VWA3B: variants seen among roughly 807,000 people sequenced by gnomAD.
VWA3B encodes the protein von Willebrand factor A domain-containing protein 3B.
VWA3B carries 138 observed loss-of-function variants against 158.3 expected under a neutral mutation model. The ratio of observed to expected loss-of-function variants is 0.87; its 90% CI spans 0.76 to 1.00. VWA3B has a LOEUF of 1.00. VWA3B is among the 50% of genes least tolerant of loss of function. VWA3B has a pLI of 0.00. For missense variants in VWA3B, 1,555 were observed against 1,565.1 expected (o/e 0.99, Z 0.11); for synonymous variants, 596 against 587.3 (o/e 1.01, Z -0.21).
intron 22 of VWA3B, among the ~76,000 whole-genome samples, chr2:98,289,231 A>G (rs189263134): frequency 6.6e-6 from 1 of 152,286 alleles, no homozygotes; most frequent in East Asian, 1.9e-4. Flanking sequence ...TTGTATATCT[A>G]TATATGCATA....
chr2:98,145,945 G>C (rs1677144869), intron 7 of VWA3B, among the ~76,000 whole-genome samples: 2 of 152,124 alleles, frequency 1.3e-5, no homozygotes, highest in South Asian at 4.2e-4. Context: ...ATGTTTTCCA[G>C]GCTGGTCTCA....
chr2:98,107,062 T>A (rs138462525), intron 2 of VWA3B, among the ~76,000 whole-genome samples: 1 of 152,196 alleles, frequency 6.6e-6, no homozygotes, highest in Non-Finnish European at 1.5e-5. Flanking sequence ...TAATGGGTGC[T>A]GAATTTTGTC....
chr2:98,149,528 C>T (rs1393344972), intron 7 of VWA3B, among the ~76,000 whole-genome samples: 4 of 152,192 alleles, frequency 2.6e-5, no homozygotes, highest in African/African-American at 9.7e-5. Context: ...GGAAAGAAAC[C>T]AGTCAGAAGC....
chr2:98,188,465 C>G (rs1469160181), intron 10 of VWA3B, among the ~76,000 whole-genome samples: 1 of 152,144 alleles, frequency 6.6e-6, no homozygotes, highest in African/African-American at 2.4e-5. Context: ...TCTAGCTAAA[C>G]TTTTGTATTC....
chr2:98,090,362 A>G (rs886477820), intron 1 of VWA3B, among the ~76,000 whole-genome samples: 7 of 152,252 alleles, frequency 4.6e-5, no homozygotes, highest in Non-Finnish European at 8.8e-5. Flanking sequence ...GAAACAAAAT[A>G]CAATGACTAA....
At chr2:98,144,903 A>T (rs1009186997) in intron 7 of VWA3B, among the ~76,000 whole-genome samples, 1 of 152,140 alleles carries the variant, frequency 6.6e-6, no homozygotes, top group Admixed American at 6.5e-5. Flanking sequence ...GTCTTTACAC[A>T]CTGAAAGGAC....
chr2:98,130,329 C>A (rs1457051573), intron 6 of VWA3B, among the ~76,000 whole-genome samples: 1 of 152,034 alleles, frequency 6.6e-6, no homozygotes, highest in East Asian at 1.9e-4. Flanking sequence ...TGCCCAGGGA[C>A]AAGCAGGAGA....
intron 22 of VWA3B, among the ~76,000 whole-genome samples, chr2:98,275,172 C>T (rs954026628): frequency 3.3e-5 from 5 of 152,176 alleles, no homozygotes; most frequent in Non-Finnish European, 5.9e-5. Context: ...AGCCTAGAAT[C>T]GTGGTGGGCA....
At chr2:98,241,663 G>A (rs1372419552) in intron 19 of VWA3B, among the ~76,000 whole-genome samples, 1 of 151,962 alleles carries the variant, frequency 6.6e-6, no homozygotes, top group Non-Finnish European at 1.5e-5. Context: ...CTTCAGGGGG[G>A]CATCCTAGTC....
At chr2:98,236,325 C>T (rs1685674564) in intron 17 of VWA3B, 65 bp from the exon 18 acceptor site, 1 of 1,540,838 alleles carries the variant, frequency 6.5e-7, no homozygotes, top group Non-Finnish European at 9.0e-7. Context: ...AAGCGTGATC[C>T]CTTTGCATTT....
At chr2:98,251,915 A>G (rs1187687401) in intron 20 of VWA3B, among the ~76,000 whole-genome samples, 5 of 152,050 alleles carry the variant, frequency 3.3e-5, no homozygotes, top group African/African-American at 1.2e-4. Flanking sequence ...CTGAATCTTT[A>G]CCTGAGAGGA....
chr2:98,247,773 T>C (rs546044558), intron 19 of VWA3B, among the ~76,000 whole-genome samples: 8 of 152,258 alleles, frequency 5.3e-5, no homozygotes, highest in Non-Finnish European at 1.0e-4. Flanking sequence ...TCTTTTGTTG[T>C]GGGCTGATTT....
chr2:98,250,703 C>A (rs970453165), intron 20 of VWA3B, among the ~76,000 whole-genome samples: 1 of 151,850 alleles, frequency 6.6e-6, no homozygotes, highest in South Asian at 2.1e-4. Flanking sequence ...AATAATATCA[C>A]AACAAGGTGA....
At chr2:98,311,713 G>A in intron 26 of VWA3B, 106 bp from the exon 27 acceptor site, 1 of 1,310,654 alleles carries the variant, frequency 7.6e-7, no homozygotes. Flanking sequence ...CATGGGAAGA[G>A]GGACGTGGGC....
intron 9 of VWA3B, among the ~76,000 whole-genome samples, chr2:98,187,352 A>G (rs1056242329): frequency 6.6e-6 from 1 of 152,076 alleles, no homozygotes; most frequent in Admixed American, 6.5e-5. Flanking sequence ...AAGGTCTCCT[A>G]AGAGGAGGAG....
intron 22 of VWA3B, among the ~76,000 whole-genome samples, chr2:98,284,810 G>A (rs1689070414): frequency 6.6e-6 from 1 of 152,096 alleles, no homozygotes; most frequent in Admixed American, 6.5e-5. Flanking sequence ...ATTATAATAA[G>A]TTTATGGTTA....
At chr2:98,238,391 A>T (rs1327406962) in intron 19 of VWA3B, among the ~76,000 whole-genome samples, 4 of 152,198 alleles carry the variant, frequency 2.6e-5, no homozygotes, top group Admixed American at 2.0e-4. Flanking sequence ...CTGAACCCTA[A>T]TTTATTTCTT....
chr2:98,228,835 TAAAC>T (rs1685126873), intron 15 of VWA3B: 1 of 152,202 alleles, frequency 6.6e-6, no homozygotes, highest in Admixed American at 6.5e-5. Flanking sequence ...TTGTGGTTTT[TAAAC>T]AAAATCAAAA....
chr2:98,166,799 T>TACACACACACAC (rs58860649), intron 8 of VWA3B, among the ~76,000 whole-genome samples: 41,610 of 145,728 alleles, frequency 0.29, 6,928 homozygotes, highest in South Asian at 0.51. Context: ...TTTAATCTAA[T>TACACACACACAC]ACACACACAC....
Sources: gnomAD v4.1 joint callset for allele counts (sites outside exome capture counted in the v4.1 genomes callset) on GRCh38, gnomAD v4.1.1 for gene constraint, MANE v1.5 for transcripts, NCBI Gene and HGNC (gene_info 2026-07-23, HGNC 2026-07-21) for gene names.